Variants in MYH15 observed in about 807,000 individuals in gnomAD.
MYH15 encodes the protein myosin heavy chain 15, also known as myosin-15.
MYH15 carries 227 observed loss-of-function variants against 240.5 expected under a neutral mutation model. The ratio of observed to expected loss-of-function variants is 0.94; its 90% CI spans 0.85 to 1.05. MYH15 has a LOEUF of 1.05. MYH15 is among the 50% of genes least tolerant of loss of function. MYH15 has a pLI of 0.00. For missense variants in MYH15, 2,217 were observed against 2,247.5 expected (o/e 0.99, Z 0.27); for synonymous variants, 785 against 796.7 (o/e 0.99, Z 0.25).
intron 1 of MYH15, among the ~76,000 whole-genome samples, chr3:108,519,105 C>A (rs1331961284): frequency 6.6e-6 from 1 of 152,160 alleles, no homozygotes; most frequent in Non-Finnish European, 1.5e-5. Flanking sequence ...AGCAAGGAGG[C>A]TGATGTTCTT....
intron 28 of MYH15, among the ~76,000 whole-genome samples, chr3:108,419,685 C>T (rs984215613): frequency 6.6e-6 from 1 of 152,154 alleles, no homozygotes; most frequent in African/African-American, 2.4e-5. Flanking sequence ...CTTAATAGAA[C>T]CAAAAACATT....
chr3:108,518,447 C>T (rs1252147294), intron 1 of MYH15, among the ~76,000 whole-genome samples: 3 of 152,178 alleles, frequency 2.0e-5, no homozygotes, highest in African/African-American at 7.2e-5. Context: ...CTCTCAGTCT[C>T]CCGACAGCAG....
Position 108,394,092 on chromosome 3 carries a change from G to A in MYH15, c.5198C>T (p.Ala1733Val), listed in dbSNP as rs1355641609. The change falls in exon 36 of 41, where the codon GCT (alanine) becomes GTT (valine). Residue 1733 changes from alanine to valine, a missense_variant. Coordinates refer to ENST00000693548, the MANE Select transcript of MYH15 (RefSeq NM_014981.3). Reference protein sequence around the residue: ...EADVARMQKEAEEVVQECQNA... With the variant: ...EADVARMQKEVEEVVQECQNA... ...TTGACACTCCTGCACCACCTCTTCA[G>A]CTTCTTTCTGCATCCGGGCAACATC... The A allele has an allele frequency of 1.2e-6, 2 of 1,614,090 alleles. No individual in the cohort carries two copies. The highest frequency in any genetic ancestry group is 1.7e-6 in the Non-Finnish European group (2 of 1,179,976).
intron 1 of MYH15, among the ~76,000 whole-genome samples, chr3:108,520,879 T>A (rs1264129492): frequency 6.6e-6 from 1 of 152,150 alleles, no homozygotes; most frequent in Non-Finnish European, 1.5e-5. Context: ...AAGGGTGGAT[T>A]ATATTCCAAG....
At chr3:108,531,616 A>C (rs2083710720), upstream of MYH15, among the ~76,000 whole-genome samples, 1 of 151,912 alleles carries the variant, frequency 6.6e-6, no homozygotes, top group Non-Finnish European at 1.5e-5. Flanking sequence ...GTCTCTACTA[A>C]AAAATACAAA....
intron 1 of MYH15, among the ~76,000 whole-genome samples, chr3:108,510,225 T>C (rs2083511358): frequency 6.6e-6 from 1 of 152,148 alleles, no homozygotes; most frequent in South Asian, 2.1e-4. Context: ...GGCCCGGGCC[T>C]AGACTGCCTC....
chr3:108,521,667 G>C (rs1008961420), intron 1 of MYH15, among the ~76,000 whole-genome samples: 2 of 152,170 alleles, frequency 1.3e-5, no homozygotes, highest in African/African-American at 4.8e-5. Context: ...CAGTCTAATT[G>C]AGATGATCTT....
Position 108,389,060 on chromosome 3 carries a change from T to C in MYH15, c.5445A>G (p.Glu1815=), listed in dbSNP as rs758679727. The part of the protein sequence containing the change: ...QKLESRVREL[E]GELEGEIRRS... ...GACGGATTTCACCCTCCAGTTCACC[T>C]TCCAGTTCACGAACCTGCAACCAAA... The change falls in exon 38 of 41, where the codon GAA becomes GAG. Residue 1815 remains glutamate, a synonymous_variant. Transcript: ENST00000693548. 1.9e-6 allele frequency: 3 copies of C among 1,613,898 alleles called. No homozygotes were observed. The highest frequency in any genetic ancestry group is 2.5e-6 in the Non-Finnish European group (3 of 1,179,854).
At chr3:108,461,315 T>C (rs1487746130) in intron 16 of MYH15, among the ~76,000 whole-genome samples, 1 of 152,230 alleles carries the variant, frequency 6.6e-6, no homozygotes, top group Non-Finnish European at 1.5e-5. Context: ...TTTCCATCTA[T>C]GAAAAGGGAA....
In MYH15 at chr3:108,463,226, ACT is replaced by A; in HGVS notation, c.1747_1748del (p.Ser583TrpfsTer11). On this transcript the variant is annotated frameshift_variant, in exon 16 of 41. Transcript: ENST00000693548. LOFTEE classifies it high-confidence loss of function. ...GGTCTTTGTTCTTTTCCAGCCAACC[ACT>A]GATATTATAAGGTACCTTTGGAAAG... ...HYAGVVPYNI[S>X]GWLEKNKDLL... 1 of 1,611,150 alleles carries A rather than the reference ACT, an allele frequency of 6.2e-7. No homozygotes were observed. The highest frequency in any genetic ancestry group is 2.2e-5 in the East Asian group (1 of 44,836).
intron 30 of MYH15, 72 bp from the exon 31 acceptor site, chr3:108,411,004 T>C: frequency 2.3e-6 from 3 of 1,310,152 alleles, no homozygotes; most frequent in East Asian, 2.4e-5. Flanking sequence ...CTGCCCTGGA[T>C]TAAAGATAGA....
intron 21 of MYH15, among the ~76,000 whole-genome samples, chr3:108,447,874 A>G (rs1433078593): frequency 6.6e-6 from 1 of 152,170 alleles, no homozygotes; most frequent in Admixed American, 6.5e-5. Flanking sequence ...TAGTTAATGT[A>G]CAAAATTATT....
At position 108,421,209 on chromosome 3, in the gene MYH15, A is replaced by G. The variant is rs2082680933; in HGVS notation, c.3708T>C (p.Asn1236=). The G allele has an allele frequency of 1.2e-6, 2 of 1,611,950 alleles. No homozygotes were observed. The highest frequency in any genetic ancestry group is 2.7e-5 in the African/African-American group (2 of 74,908). ...RVEQMTRAKA[N]AEKLCTLYEE... ...CATATAGAGTACAGAGTTTCTCAGC[A>G]TTTGCCTATAAGTTGAGAAAGAAGG... The change falls in exon 28 of 41, where the codon AAT becomes AAC. Residue 1236 remains asparagine, a synonymous_variant. Coordinates refer to ENST00000693548, the MANE Select transcript of MYH15 (RefSeq NM_014981.3).
upstream of MYH15, among the ~76,000 whole-genome samples, chr3:108,513,182 T>C (rs1244768000): frequency 1.3e-5 from 2 of 152,152 alleles, no homozygotes; most frequent in Non-Finnish European, 2.9e-5. Flanking sequence ...GGAAGCTATA[T>C]TTTGTGAATG....
At chr3:108,496,825 A>G (rs569267177) in intron 6 of MYH15, among the ~76,000 whole-genome samples, 66 of 150,942 alleles carry the variant, frequency 4.4e-4, no homozygotes, top group African/African-American at 1.6e-3. Flanking sequence ...AACCACAAAC[A>G]TCTAAAATGC....
intron 6 of MYH15, 112 bp downstream of exon 6, chr3:108,497,940 A>G: frequency 1.3e-6 from 1 of 798,500 alleles, no homozygotes. Flanking sequence ...TAATTTGCAA[A>G]TTGTCCTGTG....
chr3:108,488,438 G>A (rs1576264915), intron 9 of MYH15, among the ~76,000 whole-genome samples: 1 of 152,096 alleles, frequency 6.6e-6, no homozygotes. Flanking sequence ...CTCCCTAGTA[G>A]CTGAGACCAC....
the MYH15 span, among the ~76,000 whole-genome samples, chr3:108,536,499 A>T: frequency 1.3e-5 from 2 of 152,252 alleles, no homozygotes; most frequent in African/African-American, 4.8e-5. Context: ...CTCACACTGT[A>T]AAGTTTATAG....
At chr3:108,441,424 C>T (rs1263225284) in intron 22 of MYH15, among the ~76,000 whole-genome samples, 164 bp from the exon 23 acceptor site, 3 of 152,178 alleles carry the variant, frequency 2.0e-5, no homozygotes, top group Non-Finnish European at 2.9e-5. Flanking sequence ...GTCCCTGATC[C>T]GATCACTGAG....
Sources: gnomAD v4.1 joint callset for allele counts (sites outside exome capture counted in the v4.1 genomes callset) on GRCh38, gnomAD v4.1.1 for gene constraint, MANE v1.5 for transcripts, NCBI Gene and HGNC (gene_info 2026-07-23, HGNC 2026-07-21) for gene names.